Variants in FBLN7 observed in about 807,000 individuals in gnomAD.
FBLN7 encodes fibulin 7, also known as fibulin-7.
In FBLN7, 31 loss-of-function variants were observed where a neutral mutation model predicts 44.0. The ratio of observed to expected loss-of-function variants is 0.70; its 90% CI spans 0.53 to 0.95. FBLN7 has a LOEUF of 0.95. Ranked by LOEUF, FBLN7 falls within the 40% of genes least tolerant of loss-of-function variation. The probability of loss-of-function intolerance (pLI) is 0.00; values close to 1 mark genes in which losing one functional copy is unlikely to be tolerated. For synonymous variants in FBLN7, 262 were observed against 253.4 expected (o/e 1.03, Z -0.32); for missense variants, 573 against 618.5 (o/e 0.93, Z 0.78).
chr2:112,160,679 GACGCAC>G (rs1681727425), intron 2 of FBLN7, among the ~76,000 whole-genome samples: 1 of 118,216 alleles, frequency 8.5e-6, no homozygotes, highest in African/African-American at 3.3e-5. Flanking sequence ...CGCACACGCA[GACGCAC>G]GCACACGCAC....
intron 1 of FBLN7, chr2:112,152,081 CT>C (rs1239050870): frequency 6.6e-6 from 1 of 152,222 alleles, no homozygotes; most frequent in African/African-American, 2.4e-5. Flanking sequence ...CAAGGGGATG[CT>C]GTGAAGTGAG....
the FBLN7 span, among the ~76,000 whole-genome samples, chr2:112,241,352 T>C: frequency 9.9e-5 from 15 of 152,282 alleles, no homozygotes; most frequent in African/African-American, 3.6e-4. Flanking sequence ...AAATCTTCCA[T>C]GGGCTGGCAT....
the FBLN7 span, among the ~76,000 whole-genome samples, chr2:112,194,699 C>T: frequency 3.9e-5 from 6 of 152,314 alleles, no homozygotes; most frequent in Admixed American, 1.3e-4. Flanking sequence ...ATTTTCAAAA[C>T]GCCACTCCTG....
chr2:112,226,589 CAAAAA>C, the FBLN7 span, among the ~76,000 whole-genome samples: 28 of 74,202 alleles, frequency 3.8e-4, no homozygotes, highest in African/African-American at 1.7e-3. Context: ...GACTCCATCT[CAAAAA>C]AAAAAAAAAA....
intron 6 of FBLN7, among the ~76,000 whole-genome samples, chr2:112,184,869 A>G (rs190268160): frequency 1.7e-3 from 263 of 151,126 alleles, no homozygotes; most frequent in Non-Finnish European, 2.8e-3. Flanking sequence ...GAAGAATAAC[A>G]GCCATGGAGG....
chr2:112,185,826 G>T (rs1217528412), intron 7 of FBLN7, among the ~76,000 whole-genome samples: 2 of 150,842 alleles, frequency 1.3e-5, no homozygotes, highest in South Asian at 2.1e-4. Context: ...GTACTAGAAG[G>T]TTCTACATCT....
intron 5 of FBLN7, 103 bp from the exon 6 acceptor site, chr2:112,182,688 A>C: frequency 7.0e-7 from 1 of 1,428,526 alleles, no homozygotes; most frequent in South Asian, 1.4e-5. Context: ...ACTTAACTGC[A>C]GCTGCCACTG....
the FBLN7 span, among the ~76,000 whole-genome samples, chr2:112,210,655 CAAAAAAAAAAA>C: frequency 4.3e-5 from 3 of 69,730 alleles, no homozygotes; most frequent in African/African-American, 1.8e-4. Flanking sequence ...GACTCTGTCT[CAAAAAAAAAAA>C]AAAAAAAAAA....
rs149180786 is a variant in FBLN7 at position 112,166,305 on chromosome 2, C to T, written c.406+1134C>T. Among the ~76,000 whole-genome samples the T allele has an allele frequency of 1.5e-3, 234 of 152,300 alleles. 1 individual carries two copies. Among genetic ancestry groups the T allele is most frequent in the African/African-American group, 5.4e-3 (226 of 41,566 alleles). On this transcript the variant is annotated intron_variant, in intron 3 of 7. Transcript: ENST00000331203. ...GCTTCAAGTTATCTGCCTGCCTCGG[C>T]CTCCCAAAGTGCTGGGATTACAGGT... is the stretch of plus-strand genomic sequence containing the variant.
chr2:112,160,333 G>T (rs1681693236), intron 2 of FBLN7, among the ~76,000 whole-genome samples: 1 of 152,226 alleles, frequency 6.6e-6, no homozygotes, highest in African/African-American at 2.4e-5. Flanking sequence ...CAGTGGGGGT[G>T]GGGGGAGCAC....
intron 2 of FBLN7, among the ~76,000 whole-genome samples, chr2:112,160,282 G>GC (rs1290787916): frequency 6.6e-6 from 1 of 152,176 alleles, no homozygotes; most frequent in Non-Finnish European, 1.5e-5. Flanking sequence ...GGGCCACCGC[G>GC]CCGGGCCAAT....
the FBLN7 span, among the ~76,000 whole-genome samples, chr2:112,193,365 A>G: frequency 6.6e-6 from 1 of 152,316 alleles, no homozygotes; most frequent in African/African-American, 2.4e-5. Context: ...ACTTGAACTC[A>G]GGAGGTGGAG....
At chr2:112,154,852 G>A (rs1681336636) in intron 1 of FBLN7, among the ~76,000 whole-genome samples, 1 of 152,152 alleles carries the variant, frequency 6.6e-6, no homozygotes, top group South Asian at 2.1e-4. Flanking sequence ...AGAGTGCATT[G>A]AGGAATGAGA....
the FBLN7 span, chr2:112,231,904 A>G: frequency 1.3e-6 from 2 of 1,588,584 alleles, no homozygotes; most frequent in South Asian, 2.3e-5. Flanking sequence ...ATTCTCCCTG[A>G]TAACATTTTG....
intron 1 of FBLN7, among the ~76,000 whole-genome samples, chr2:112,143,363 C>T (rs1352524942): frequency 2.6e-5 from 4 of 152,276 alleles, no homozygotes; most frequent in Admixed American, 6.5e-5. Context: ...GGGCTCCCGG[C>T]CACCTCCTCG....
At chr2:112,160,739 CA>C (rs1681760613) in intron 2 of FBLN7, among the ~76,000 whole-genome samples, 2 of 36,434 alleles carry the variant, frequency 5.5e-5, no homozygotes, top group African/African-American at 3.4e-4. Context: ...CACGCACACG[CA>C]CACACGCGCA....
chr2:112,190,175 C>T (rs528261643), downstream of FBLN7: 1 of 152,236 alleles, frequency 6.6e-6, no homozygotes, highest in African/African-American at 2.4e-5. Flanking sequence ...TAGTCAGATT[C>T]AAGTTAGATT....
the FBLN7 span, among the ~76,000 whole-genome samples, chr2:112,206,017 T>C: frequency 1.3e-5 from 2 of 152,340 alleles, no homozygotes; most frequent in South Asian, 2.1e-4. Context: ...ATTTCTTATG[T>C]ATGAAATTTA....
intron 7 of FBLN7, among the ~76,000 whole-genome samples, 181 bp downstream of exon 7, chr2:112,185,520 C>A (rs1683228153): frequency 6.6e-6 from 1 of 152,152 alleles, no homozygotes; most frequent in African/African-American, 2.4e-5. Context: ...TAATGCGTTG[C>A]TGCTCTGGAG....
Sources: gnomAD v4.1 joint callset for allele counts (sites outside exome capture counted in the v4.1 genomes callset) on GRCh38, gnomAD v4.1.1 for gene constraint, MANE v1.5 for transcripts, NCBI Gene and HGNC (gene_info 2026-07-23, HGNC 2026-07-21) for gene names.